Variants in MAF observed in about 807,000 individuals in gnomAD.
The protein encoded by MAF is MAF bZIP transcription factor, also known as transcription factor Maf.
Under a neutral mutation model 22.0 loss-of-function variants are expected in MAF, and 10 were observed. The observed-to-expected ratio is 0.45, with a 90% CI of 0.28 to 0.77. MAF has a LOEUF of 0.77. Among genes scored for constraint, MAF ranks in the 30% least tolerant of loss-of-function variants. The probability of loss-of-function intolerance (pLI) is 0.12; values close to 1 mark genes in which losing one functional copy is unlikely to be tolerated. For missense variants in MAF, 544 were observed against 548.4 expected (o/e 0.99, Z 0.08); for synonymous variants, 337 against 255.8 (o/e 1.32, Z -3.03).
intron 1 of MAF, chr16:79,598,154 A>T: frequency 9.5e-7 from 1 of 1,050,736 alleles, no homozygotes; most frequent in Non-Finnish European, 1.1e-6. Flanking sequence ...GGAGAAGAAA[A>T]AAAAACTTTG....
chr16:79,303,430 C>T, the MAF span, among the ~76,000 whole-genome samples: 2 of 152,052 alleles, frequency 1.3e-5, no homozygotes, highest in African/African-American at 2.4e-5. Flanking sequence ...GTGGGAAGCA[C>T]GGGGCTCTCA....
downstream of MAF, chr16:79,585,716 C>T (rs112749202): frequency 3.3e-3 from 1,817 of 556,866 alleles, 25 homozygotes; most frequent in African/African-American, 0.031. Flanking sequence ...TTACATGACA[C>T]GTGAAACCCA....
the MAF span, among the ~76,000 whole-genome samples, chr16:79,307,442 A>G: frequency 6.6e-6 from 1 of 152,234 alleles, no homozygotes; most frequent in African/African-American, 2.4e-5. Flanking sequence ...GAAGCAACGC[A>G]TCAGCAGCTT....
At chr16:79,301,093 G>C in the MAF span, among the ~76,000 whole-genome samples, 1 of 152,224 alleles carries the variant, frequency 6.6e-6, no homozygotes, top group Middle Eastern at 3.4e-3. Context: ...TCAACAAAGA[G>C]CCGTCCAGGT....
At chr16:79,252,445 A>G in the MAF span, among the ~76,000 whole-genome samples, 212 of 152,190 alleles carry the variant, frequency 1.4e-3, no homozygotes, top group African/African-American at 5.0e-3. Flanking sequence ...ATGGGCTGTC[A>G]TTTGCTGATC....
chr16:79,253,469 G>T, the MAF span, among the ~76,000 whole-genome samples: 2,333 of 152,254 alleles, frequency 0.015, 36 homozygotes, highest in Middle Eastern at 0.041. Flanking sequence ...TAATTTCTAT[G>T]TAATCCCTTA....
At chr16:79,568,523 G>C in the MAF span, among the ~76,000 whole-genome samples, 2 of 152,160 alleles carry the variant, frequency 1.3e-5, no homozygotes, top group Non-Finnish European at 2.9e-5. Context: ...CATTAAAACA[G>C]GCATACACTG....
At chr16:79,246,052 T>G in the MAF span, among the ~76,000 whole-genome samples, 3 of 152,056 alleles carry the variant, frequency 2.0e-5, no homozygotes, top group African/African-American at 7.2e-5. Context: ...TACCAGGGCC[T>G]GTCAGGGGGT....
chr16:79,550,866 G>GGGCT, the MAF span, among the ~76,000 whole-genome samples: 13 of 152,240 alleles, frequency 8.5e-5, no homozygotes, highest in Middle Eastern at 3.4e-3. Context: ...AGGGAGATTG[G>GGGCT]CACAGATGGC....
the MAF span, among the ~76,000 whole-genome samples, chr16:79,383,454 C>T: frequency 1.3e-5 from 2 of 152,082 alleles, no homozygotes; most frequent in African/African-American, 4.8e-5. Flanking sequence ...TGATGGTAAA[C>T]TTTATATTGG....
chr16:79,271,152 G>C, the MAF span, among the ~76,000 whole-genome samples: 1 of 151,032 alleles, frequency 6.6e-6, no homozygotes, highest in Non-Finnish European at 1.5e-5. Context: ...CTGATCTCAG[G>C]TGATCCACCT....
At chr16:79,396,313 T>C in the MAF span, among the ~76,000 whole-genome samples, 2 of 152,054 alleles carry the variant, frequency 1.3e-5, no homozygotes, top group Non-Finnish European at 2.9e-5. Context: ...AGAAAACACA[T>C]AGGTTTAACT....
the MAF span, among the ~76,000 whole-genome samples, chr16:79,484,527 C>G: frequency 1.3e-5 from 2 of 152,292 alleles, no homozygotes; most frequent in South Asian, 2.1e-4. Context: ...GTCTTTGGTC[C>G]CTGCTATGGT....
chr16:79,565,066 T>C, the MAF span, among the ~76,000 whole-genome samples: 1 of 152,160 alleles, frequency 6.6e-6, no homozygotes, highest in Non-Finnish European at 1.5e-5. Flanking sequence ...TAAACAGCTT[T>C]GCAAGGGCAC....
At position 79,600,660 on chromosome 16, in the gene MAF, G is replaced by T; in HGVS notation, c.-758C>A. On this transcript the variant is annotated 5_prime_UTR_variant, in exon 1 of 2. Coordinates refer to ENST00000326043, the MANE Select transcript of MAF (RefSeq NM_005360.5). ...GACGAGGCAGAGAGCAAAGGGGGGA[G>T]GGGGAGGCCAAGCCGACAAGCAGCC... is the stretch of plus-strand genomic sequence containing the variant. The T allele has an allele frequency of 5.1e-6, 1 of 196,386 alleles. No homozygotes were observed. The highest frequency in any genetic ancestry group is 2.4e-5 in the African/African-American group (1 of 42,364). The allele number at this position is 196,386 out of a possible 1,614,324, so 12.2% of individuals were successfully genotyped here. A position where few individuals can be genotyped will look rare whatever the true frequency, so the allele number is the denominator to read the frequency against.
the MAF span, among the ~76,000 whole-genome samples, chr16:79,378,092 G>A: frequency 1.3e-5 from 2 of 152,088 alleles, no homozygotes; most frequent in Admixed American, 6.6e-5. Context: ...GATGGGGATG[G>A]CACTGAATCT....
At chr16:79,503,717 T>C in the MAF span, among the ~76,000 whole-genome samples, 1 of 152,332 alleles carries the variant, frequency 6.6e-6, no homozygotes, top group South Asian at 2.1e-4. Context: ...TTTACTTTGG[T>C]CACCAGGAAG....
the MAF span, among the ~76,000 whole-genome samples, chr16:79,305,397 T>C: frequency 3.3e-5 from 5 of 152,266 alleles, no homozygotes; most frequent in Admixed American, 2.0e-4. Flanking sequence ...CCATCTACTG[T>C]TGGAACAGAC....
chr16:79,251,287 A>G, the MAF span, among the ~76,000 whole-genome samples: 3 of 146,874 alleles, frequency 2.0e-5, no homozygotes, highest in African/African-American at 7.5e-5. Context: ...AAATGCTGTT[A>G]TGGTTATTAT....
Sources: allele counts gnomAD v4.1 joint callset (sites outside exome capture counted in the v4.1 genomes callset), GRCh38; gene constraint gnomAD v4.1.1; transcripts MANE v1.5; gene names NCBI Gene and HGNC (gene_info 2026-07-23, HGNC 2026-07-21).